Variants in TMEM87B observed in about 807,000 individuals in gnomAD.
The protein encoded by TMEM87B is transmembrane protein 87B.
TMEM87B carries 83 observed loss-of-function variants against 80.3 expected under a neutral mutation model. The ratio of observed to expected loss-of-function variants is 1.03; its 90% confidence interval spans 0.87 to 1.24. The LOEUF is 1.24. TMEM87B is among the 50% of genes most tolerant of loss of function. The probability of loss-of-function intolerance (pLI) is 0.00; values close to 1 mark genes in which losing one functional copy is unlikely to be tolerated. For missense variants in TMEM87B, 625 were observed against 674.4 expected (o/e 0.93, Z 0.81); for synonymous variants, 219 against 230.5 (o/e 0.95, Z 0.45).
intron 4 of TMEM87B, 47 bp downstream of exon 4, chr2:112,067,114 A>G: frequency 6.3e-7 from 1 of 1,592,582 alleles, no homozygotes; most frequent in Non-Finnish European, 8.5e-7. Flanking sequence ...TTCCCAGTGA[A>G]TACAAGTATC....
At chr2:112,069,084 C>G (rs934398754) in intron 4 of TMEM87B, among the ~76,000 whole-genome samples, 1 of 145,962 alleles carries the variant, frequency 6.9e-6, no homozygotes, top group Non-Finnish European at 1.5e-5. Flanking sequence ...CCCAGCTACT[C>G]GGGAGGCTGA....
chr2:112,099,904 CA>C (rs1196069042), intron 14 of TMEM87B, among the ~76,000 whole-genome samples: 3 of 144,310 alleles, frequency 2.1e-5, no homozygotes, highest in Non-Finnish European at 4.6e-5. Flanking sequence ...AAAAAAACCA[CA>C]AAAAAAACAA....
chr2:112,116,184 A>G lies in TMEM87B; in HGVS notation c.*41A>G. ...GAAATGTAGTTAAGCCTGAAGGACTATCCTTCATCAAGACTGAAAGTGAGC... is the reference window on the plus strand; with the variant it reads ...GAAATGTAGTTAAGCCTGAAGGACTGTCCTTCATCAAGACTGAAAGTGAGC... On this transcript the variant is annotated 3_prime_UTR_variant, in exon 19 of 19. Transcript: ENST00000283206. The G allele has an allele frequency of 6.6e-7, 1 of 1,526,592 alleles. No individual in the cohort carries two copies. Among genetic ancestry groups the G allele is most frequent in the Non-Finnish European group, 9.0e-7 (1 of 1,111,020 alleles). The allele number at this position is 1,526,592 out of a possible 1,614,324, so 94.6% of individuals were successfully genotyped here. A position where few individuals can be genotyped will look rare whatever the true frequency, so the allele number is the denominator to read the frequency against.
At chr2:112,107,725 C>T in intron 16 of TMEM87B, 63 bp from the exon 17 acceptor site, 1 of 884,030 alleles carries the variant, frequency 1.1e-6, no homozygotes, top group Non-Finnish European at 1.7e-6. Context: ...TATATATATT[C>T]TGTTTTAAAA....
At chr2:112,096,660 A>G (rs1254238191) in intron 11 of TMEM87B, among the ~76,000 whole-genome samples, 1 of 152,262 alleles carries the variant, frequency 6.6e-6, no homozygotes, top group Non-Finnish European at 1.5e-5. Flanking sequence ...TAAGATAGAA[A>G]TAGGGCCAGA....
intron 15 of TMEM87B, among the ~76,000 whole-genome samples, chr2:112,102,319 T>G (rs1028012486): frequency 6.6e-6 from 1 of 152,226 alleles, no homozygotes; most frequent in Non-Finnish European, 1.5e-5. Flanking sequence ...AAGACAATCA[T>G]GATCAAGTGG....
At position 112,088,658 on chromosome 2, in the gene TMEM87B, A is replaced by G. The variant is rs188656569; in HGVS notation, c.939-967A>G. On this transcript the variant is annotated intron_variant, in intron 9 of 18. Transcript: ENST00000283206. Reference sequence around the variant, plus strand: ...GTGCAATAAATTCTGATTTGCAAATATCATGAAATTATTCTATTTTAAATT... The same window carrying G: ...GTGCAATAAATTCTGATTTGCAAATGTCATGAAATTATTCTATTTTAAATT... 9.1e-3 allele frequency among the ~76,000 whole-genome samples: 1,384 copies of G among 152,288 alleles called. 18 individuals are homozygous for G. The highest frequency in any genetic ancestry group is 9.3e-3 in the Non-Finnish European group (633 of 68,036).
chr2:112,056,795 A>G (rs1227072778), intron 1 of TMEM87B, among the ~76,000 whole-genome samples: 1 of 152,214 alleles, frequency 6.6e-6, no homozygotes, highest in Non-Finnish European at 1.5e-5. Flanking sequence ...CATTTCCTCC[A>G]GGATTGGATT....
chr2:112,068,427 A>G (rs1678503733), intron 4 of TMEM87B, among the ~76,000 whole-genome samples: 1 of 152,246 alleles, frequency 6.6e-6, no homozygotes, highest in Non-Finnish European at 1.5e-5. Context: ...TTAAAAGGCC[A>G]GGCACAATGG....
At chr2:112,058,225 G>A (rs2104450857) in intron 1 of TMEM87B, among the ~76,000 whole-genome samples, 1 of 152,354 alleles carries the variant, frequency 6.6e-6, no homozygotes, top group African/African-American at 2.4e-5. Flanking sequence ...GCTACATCAA[G>A]TTCTGGCAGG....
intron 16 of TMEM87B, among the ~76,000 whole-genome samples, chr2:112,106,483 AT>A (rs1679771525): frequency 6.6e-6 from 1 of 152,152 alleles, no homozygotes; most frequent in African/African-American, 2.4e-5. Flanking sequence ...TATGAAAGTG[AT>A]TTTTGAAGCC....
At chr2:112,058,340 A>G (rs1399168685) in intron 1 of TMEM87B, among the ~76,000 whole-genome samples, 2 of 152,208 alleles carry the variant, frequency 1.3e-5, no homozygotes, top group African/African-American at 2.4e-5. Flanking sequence ...GGCCAAGGCA[A>G]GTCATATCAT....
At position 112,117,096 on chromosome 2, in the gene TMEM87B, A is replaced by G. The variant is rs994537570; in HGVS notation, c.*953A>G. ...ATAATTAATTTCTTAAGCTTCAACCATGTTTTATACCTTATTTCGTTACAT... is the reference window on the plus strand; with the variant it reads ...ATAATTAATTTCTTAAGCTTCAACCGTGTTTTATACCTTATTTCGTTACAT... On this transcript the variant is annotated 3_prime_UTR_variant, in exon 19 of 19. Transcript: ENST00000283206. 5 of 152,232 alleles carry G rather than the reference A, an allele frequency of 3.3e-5. No homozygotes were observed. Among genetic ancestry groups the G allele is most frequent in the African/African-American group, 1.2e-4 (5 of 41,474 alleles). The allele number at this position is 152,232 out of a possible 1,614,324, so 9.4% of individuals were successfully genotyped here.
rs1474934546 is a variant in TMEM87B at position 112,100,715 on chromosome 2, T to C, written c.1450+20T>C. The C allele has an allele frequency of 2.0e-6, 3 of 1,481,922 alleles. No individual in the cohort carries two copies. Among genetic ancestry groups the C allele is most frequent in the Non-Finnish European group, 2.8e-6 (3 of 1,061,844 alleles). 91.8% of individuals were successfully genotyped at this position (1,481,922 alleles called of 1,614,324 possible). On this transcript the variant is annotated intron_variant, in intron 15 of 18. Transcript: ENST00000283206. ...ATTTAAGTGAGTAATATGTTTTCTTTTTAAATGACCATTGTACATATTGCA... is the reference window on the plus strand; with the variant it reads ...ATTTAAGTGAGTAATATGTTTTCTTCTTAAATGACCATTGTACATATTGCA...
intron 9 of TMEM87B, among the ~76,000 whole-genome samples, chr2:112,089,422 T>A (rs1679237573): frequency 6.6e-6 from 1 of 152,260 alleles, no homozygotes; most frequent in African/African-American, 2.4e-5. Context: ...TTCAAAGGCA[T>A]CAGTATAGCT....
intron 7 of TMEM87B, 87 bp from the exon 8 acceptor site, chr2:112,081,248 A>G: frequency 2.1e-6 from 3 of 1,446,228 alleles, no homozygotes; most frequent in Non-Finnish European, 2.9e-6. Flanking sequence ...TGACTGGAAA[A>G]TGAAGGGTTG....
At chr2:112,100,733 A>C in intron 15 of TMEM87B, 38 bp downstream of exon 15, 1 of 1,302,244 alleles carries the variant, frequency 7.7e-7, no homozygotes. Flanking sequence ...ACCATTGTAC[A>C]TATTGCAACA....
At chr2:112,060,458 G>A (rs1488731100) in intron 2 of TMEM87B, among the ~76,000 whole-genome samples, 1 of 151,888 alleles carries the variant, frequency 6.6e-6, no homozygotes, top group Middle Eastern at 3.2e-3. Context: ...CTAAGCAAAT[G>A]TTTTGTTTTT....
chr2:112,104,437 A>G (rs1679711524), intron 15 of TMEM87B, among the ~76,000 whole-genome samples: 1 of 152,238 alleles, frequency 6.6e-6, no homozygotes, highest in Non-Finnish European at 1.5e-5. Context: ...AAGAAGACAT[A>G]GGAATGGCCA....
Sources: gnomAD v4.1 joint callset for allele counts (sites outside exome capture counted in the v4.1 genomes callset) on GRCh38, gnomAD v4.1.1 for gene constraint, MANE v1.5 for transcripts, NCBI Gene and HGNC (gene_info 2026-07-23, HGNC 2026-07-21) for gene names.